SPOCK3: variants seen among roughly 807,000 people sequenced by gnomAD.
SPOCK3 encodes the protein SPARC (osteonectin), cwcv and kazal like domains proteoglycan 3.
SPOCK3 carries 30 observed loss-of-function variants against 56.6 expected under a neutral mutation model. The ratio of observed to expected loss-of-function variants is 0.53; its 90% CI spans 0.40 to 0.72. SPOCK3 has a LOEUF of 0.72. Ranked by LOEUF, SPOCK3 falls within the 30% of genes least tolerant of loss-of-function variation. The pLI, the probability that SPOCK3 is intolerant of heterozygous loss-of-function variation, is 0.00. For synonymous variants in SPOCK3, 196 were observed against 183.3 expected (o/e 1.07, Z -0.56); for missense variants, 527 against 530.0 (o/e 0.99, Z 0.06).
At chr4:166,798,305 T>C (rs1742185983) in intron 6 of SPOCK3, among the ~76,000 whole-genome samples, 1 of 152,192 alleles carries the variant, frequency 6.6e-6, no homozygotes, top group South Asian at 2.1e-4. Context: ...CCCTTGATTG[T>C]GTAACCTCAG....
In SPOCK3 at chr4:167,189,377, C is replaced by G. The variant is rs181033093; in HGVS notation, c.189+44608G>C. 9.3e-4 allele frequency among the ~76,000 whole-genome samples: 135 copies of G among 145,384 alleles called. 8 individuals carry two copies. The highest frequency in any genetic ancestry group is 1.3e-3 in the Non-Finnish European group (88 of 66,680). ...CAAATGCAATTAATAATATACTTAC[C>G]ATATGAGCCAATAATGCCATTCATA... On this transcript the variant is annotated intron_variant, in intron 2 of 10. Transcript: ENST00000357545.
In SPOCK3 at chr4:167,190,697, C is replaced by T. The variant is rs1732402841; in HGVS notation, c.189+43288G>A. On this transcript the variant is annotated intron_variant, in intron 2 of 10. Coordinates refer to ENST00000357545, the MANE Select transcript of SPOCK3 (RefSeq NM_001040159.2). ...AAAAGATCATTGCCAAAACAAATGTCAAGGAGCCTTGTTCATATGTTTGTT... is the reference window on the plus strand; with the variant it reads ...AAAAGATCATTGCCAAAACAAATGTTAAGGAGCCTTGTTCATATGTTTGTT... Among the ~76,000 whole-genome samples the T allele has an allele frequency of 1.4e-5, 2 of 145,634 alleles. 1 individual carries two copies. The highest frequency in any genetic ancestry group is 1.4e-4 in the Admixed American group (2 of 14,176).
At chr4:167,076,619 T>C (rs1349089598) in intron 2 of SPOCK3, among the ~76,000 whole-genome samples, 1 of 151,862 alleles carries the variant, frequency 6.6e-6, no homozygotes, top group Admixed American at 6.6e-5. Flanking sequence ...TGGAAACCAA[T>C]GTAAAAATTA....
intron 2 of SPOCK3, among the ~76,000 whole-genome samples, chr4:167,093,928 C>T (rs1442823544): frequency 1.3e-5 from 2 of 152,122 alleles, no homozygotes; most frequent in Non-Finnish European, 2.9e-5. Context: ...CTGATTTCTT[C>T]CAAACTTATG....
intron 7 of SPOCK3, among the ~76,000 whole-genome samples, chr4:166,768,388 G>A (rs1183802080): frequency 1.3e-5 from 2 of 152,166 alleles, no homozygotes; most frequent in African/African-American, 2.4e-5. Context: ...GCCTGGTGGT[G>A]AGAAAATCCC....
chr4:167,037,477 A>G (rs1015388945), intron 3 of SPOCK3, among the ~76,000 whole-genome samples: 3 of 136,492 alleles, frequency 2.2e-5, no homozygotes, highest in Non-Finnish European at 3.1e-5. Flanking sequence ...GCCAGACTTC[A>G]TCTCAAAAAA....
intron 3 of SPOCK3, among the ~76,000 whole-genome samples, chr4:167,010,591 A>G (rs1316742997): frequency 3.9e-5 from 6 of 152,136 alleles, no homozygotes; most frequent in Middle Eastern, 3.4e-3. Flanking sequence ...AAATATGTTC[A>G]TAAAGATACA....
chr4:167,158,874 TG>T (rs1481215241), intron 2 of SPOCK3, among the ~76,000 whole-genome samples: 8 of 152,024 alleles, frequency 5.3e-5, no homozygotes, highest in African/African-American at 1.7e-4. Context: ...GTTTATTGTC[TG>T]TTTTTTCCAT....
chr4:166,867,896 G>C (rs1732010995), intron 6 of SPOCK3, among the ~76,000 whole-genome samples: 1 of 151,626 alleles, frequency 6.6e-6, no homozygotes, highest in Non-Finnish European at 1.5e-5. Context: ...AAAAAAGTTT[G>C]TTTTAAATTT....
intron 2 of SPOCK3, among the ~76,000 whole-genome samples, chr4:167,150,748 C>A (rs987566300): frequency 6.6e-6 from 1 of 152,066 alleles, no homozygotes; most frequent in Non-Finnish European, 1.5e-5. Flanking sequence ...TATCTGATTG[C>A]GTCAGCGTGA....
At chr4:167,131,580 G>T (rs907271509) in intron 2 of SPOCK3, among the ~76,000 whole-genome samples, 18 of 152,062 alleles carry the variant, frequency 1.2e-4, no homozygotes, top group African/African-American at 4.4e-4. Context: ...TCCAGCCTGG[G>T]CGACAGAGCA....
At chr4:167,054,361 T>C (rs576997558) in intron 3 of SPOCK3, among the ~76,000 whole-genome samples, 1 of 152,364 alleles carries the variant, frequency 6.6e-6, no homozygotes, top group South Asian at 2.1e-4. Flanking sequence ...TGATTAATTG[T>C]TTAAAATCTT....
intron 2 of SPOCK3, among the ~76,000 whole-genome samples, chr4:167,226,525 C>T (rs189909906): frequency 4.5e-4 from 69 of 152,276 alleles, no homozygotes; most frequent in African/African-American, 1.5e-3. Flanking sequence ...ATTGAAAGAG[C>T]ATAACCAGAT....
chr4:166,787,665 A>T (rs1034291012), intron 7 of SPOCK3, among the ~76,000 whole-genome samples: 1 of 152,206 alleles, frequency 6.6e-6, no homozygotes, highest in East Asian at 1.9e-4. Flanking sequence ...GTTACTAAGA[A>T]TAACTCTGTT....
At chr4:167,018,745 T>C (rs12644155) in intron 3 of SPOCK3, among the ~76,000 whole-genome samples, 142,190 of 152,024 alleles carry the variant, frequency 0.94, 66,724 homozygotes, top group East Asian at 1. Flanking sequence ...CACCTGTCCT[T>C]CAGGTGGTCT....
intron 2 of SPOCK3, among the ~76,000 whole-genome samples, chr4:167,131,196 G>A (rs1762671242): frequency 1.3e-5 from 2 of 151,018 alleles, no homozygotes; most frequent in Admixed American, 1.3e-4. Context: ...CTAAAGTTTT[G>A]CCACTTTCTC....
intron 3 of SPOCK3, among the ~76,000 whole-genome samples, chr4:167,023,380 G>A (rs1212492940): frequency 2.6e-5 from 4 of 151,786 alleles, no homozygotes; most frequent in Non-Finnish European, 4.4e-5. Context: ...TGGTTTATTG[G>A]ATATTGCAAC....
intron 4 of SPOCK3, among the ~76,000 whole-genome samples, chr4:166,980,435 A>T (rs1746443160): frequency 6.6e-6 from 1 of 152,230 alleles, no homozygotes; most frequent in African/African-American, 2.4e-5. Context: ...TCACTTTTCC[A>T]GCATGAAACC....
intron 2 of SPOCK3, among the ~76,000 whole-genome samples, chr4:167,217,046 T>C (rs185030803): frequency 1.3e-5 from 2 of 152,228 alleles, no homozygotes; most frequent in African/African-American, 4.8e-5. Flanking sequence ...CCTTATCCAA[T>C]GGCTTTGTTA....
Sources: gnomAD v4.1 joint callset for allele counts (sites outside exome capture counted in the v4.1 genomes callset) on GRCh38, gnomAD v4.1.1 for gene constraint, MANE v1.5 for transcripts, NCBI Gene and HGNC (gene_info 2026-07-23, HGNC 2026-07-21) for gene names.